RP1: variants seen among roughly 807,000 people sequenced by gnomAD.
The protein encoded by RP1 is oxygen-regulated protein 1.
In RP1, 16 loss-of-function variants were observed where a neutral mutation model predicts 14.8. That is an observed-to-expected ratio of 1.08 (90% CI 0.73 to 1.65). The LOEUF (loss-of-function observed/expected upper bound fraction) is 1.65. Ranked by LOEUF, RP1 falls within the 40% of genes most tolerant of loss-of-function variation. The pLI is 0.00. For synonymous variants in RP1, 876 were observed against 883.6 expected, an observed-to-expected ratio of 0.99 and a Z score of 0.15; for missense variants, 2,631 against 2,535.0, an observed-to-expected ratio of 1.04 and a Z score of -0.81.
chr8:54,625,779 G>C lies in RP1; in HGVS notation c.1897G>C (p.Glu633Gln), dbSNP rs767209777. 4.3e-6 allele frequency: 7 copies of C among 1,613,456 alleles called. No homozygotes were observed. The highest frequency in any genetic ancestry group is 5.9e-6 in the Non-Finnish European group (7 of 1,179,992). The stretch of plus-strand genomic sequence containing the variant: ...AAATATTTCTGAGGCTCCAGCTTCA[G>C]AAGCATCCTCTACTGTCACTGCAAG... ...DKNISEAPAS[E>Q]ASSTVTARID... The change falls in exon 4 of 4, where the codon GAA (glutamate) becomes CAA (glutamine). Residue 633 changes from glutamate to glutamine, a missense_variant. Transcript: ENST00000220676.
Position 54,624,874 on chromosome 8 carries a change from T to A in RP1, c.992T>A (p.Met331Lys). Residue 331 changes from methionine (M) to lysine (K), a missense_variant, in exon 4 of 4, where the codon ATG becomes AAG. By Grantham distance (95) the Met-to-Lys change is moderately conservative. Transcript: ENST00000220676. ...KSIIFNQDGT[M>K]TVEMKVRFRI... is the part of the protein sequence containing the mutation. The stretch of plus-strand genomic sequence containing the variant: ...ATTATTTTTAATCAAGACGGCACTA[T>A]GACAGTTGAGATGAAAGTTCGATTC... The A allele has an allele frequency of 6.2e-7, 1 of 1,613,888 alleles. No individual in the cohort carries two copies. Among genetic ancestry groups the A allele is most frequent in the Non-Finnish European group, 8.5e-7 (1 of 1,179,976 alleles).
chr8:54,708,607 C>T (rs1184857736), intron 15 of RP1, among the ~76,000 whole-genome samples: 1 of 152,092 alleles, frequency 6.6e-6, no homozygotes, highest in African/African-American at 2.4e-5. Flanking sequence ...GATCCACCTG[C>T]CTCAACCTCC....
At chr8:54,838,694 A>G (rs1019132856) in intron 25 of RP1, among the ~76,000 whole-genome samples, 1 of 152,062 alleles carries the variant, frequency 6.6e-6, no homozygotes, top group Non-Finnish European at 1.5e-5. Flanking sequence ...CATATGTGAA[A>G]AAGTCTGTGT....
At chr8:54,788,241 G>A (rs1422699705) in intron 24 of RP1, among the ~76,000 whole-genome samples, 1 of 152,162 alleles carries the variant, frequency 6.6e-6, no homozygotes, top group Admixed American at 6.5e-5. Context: ...AGGAAAACAA[G>A]ACTAGGTTGG....
intron 12 of RP1, among the ~76,000 whole-genome samples, chr8:54,680,546 C>T (rs1289849935): frequency 2.0e-5 from 3 of 152,154 alleles, no homozygotes; most frequent in African/African-American, 7.2e-5. Flanking sequence ...ATGCTGGAAA[C>T]CGTGCTGTTC....
In RP1 at chr8:54,678,000, A is replaced by G. The variant is rs149587183; in HGVS notation, c.1403-461A>G. ...AGGTGAGTCTATGTGCTTGGACAGG[A>G]TTTCTGAATGATTTTTCATTTTTAG... On this transcript the variant is annotated intron_variant, in intron 8 of 22. Coordinates refer to the RP1 transcript ENST00000636932. Among the ~76,000 whole-genome samples the G allele has an allele frequency of 3.1e-3, 476 of 152,286 alleles. 5 individuals are homozygous for G. The highest frequency in any genetic ancestry group is 0.011 in the African/African-American group (455 of 41,564).
Position 54,628,379 on chromosome 8 carries a change from G to C in RP1, c.4497G>C (p.Glu1499Asp), listed in dbSNP as rs1356559644. The change falls in exon 4 of 4, where the codon GAG becomes GAC. Residue 1499 changes from glutamate (E) to aspartate (D), a missense_variant. Physicochemically the swap from Glu to Asp is conservative, Grantham distance 45. Transcript: ENST00000220676. ...AAGAATTAATCCAAGAAGAGGTAGAGGCTAGTAAAACTTTAGAATTGATAG... is the reference window on the plus strand; with the variant it reads ...AAGAATTAATCCAAGAAGAGGTAGACGCTAGTAAAACTTTAGAATTGATAG... ...ATEELIQEEV[E>D]ASKTLELIDI... 6.2e-7 allele frequency: 1 copy of C among 1,613,518 alleles called. No individual in the cohort carries two copies. Among genetic ancestry groups the C allele is most frequent in the Non-Finnish European group, 8.5e-7 (1 of 1,179,818 alleles).
chr8:54,774,224 G>A (rs534878302), downstream of RP1, among the ~76,000 whole-genome samples: 1 of 152,214 alleles, frequency 6.6e-6, no homozygotes, highest in African/African-American at 2.4e-5. Flanking sequence ...TGTTGTGTCA[G>A]CCTCATTTCC....
chr8:54,629,248 G>A lies in RP1; in HGVS notation c.5366G>A (p.Gly1789Asp), dbSNP rs759804625. 1.2e-6 allele frequency: 2 copies of A among 1,613,874 alleles called. No homozygotes were observed. The highest frequency in any genetic ancestry group is 1.7e-6 in the Non-Finnish European group (2 of 1,179,888). The change falls in exon 4 of 4, where the codon GGT (glycine) becomes GAT (aspartate). Residue 1789 changes from glycine to aspartate, a missense_variant. Coordinates refer to ENST00000220676, the MANE Select transcript of RP1 (RefSeq NM_006269.2). ...NSSEVPYSHF[G>D]NLAPGPTMDE... Reference sequence around the variant, plus strand: ...AGTGAGGTACCATATTCACATTTTGGTAATTTGGCCCCAGGCCCAACGATG... The same window carrying A: ...AGTGAGGTACCATATTCACATTTTGATAATTTGGCCCCAGGCCCAACGATG...
intron 19 of RP1, among the ~76,000 whole-genome samples, chr8:54,739,393 G>T (rs140658738): frequency 2.0e-5 from 3 of 152,226 alleles, no homozygotes; most frequent in African/African-American, 7.2e-5. Flanking sequence ...GAAATTGTAA[G>T]TTGAACTGTG....
chr8:54,621,418 G>C lies in RP1; in HGVS notation c.452G>C (p.Arg151Pro), dbSNP rs771997020. Reference sequence around the variant, plus strand: ...GCCGTCGCTGCTCCCGGCATGCCCCGCCCCCCACGGAGCCTAGTGGTCTTC... The same window carrying C: ...GCCGTCGCTGCTCCCGGCATGCCCCCCCCCCCACGGAGCCTAGTGGTCTTC... ...PVAVAAPGMP[R>P]PPRSLVVFRN... The change falls in exon 2 of 4, where the codon CGC becomes CCC. Residue 151 changes from arginine to proline, a missense_variant. Coordinates refer to ENST00000220676, the MANE Select transcript of RP1 (RefSeq NM_006269.2). The C allele has an allele frequency of 6.2e-7, 1 of 1,613,090 alleles. No homozygotes were observed. The highest frequency in any genetic ancestry group is 2.2e-5 in the East Asian group (1 of 44,834).
intron 15 of RP1, among the ~76,000 whole-genome samples, chr8:54,717,017 C>T (rs1198167730): frequency 6.6e-6 from 1 of 152,126 alleles, no homozygotes; most frequent in Non-Finnish European, 1.5e-5. Context: ...CCAGGCCCCT[C>T]CTTTCAGAAT....
intron 24 of RP1, among the ~76,000 whole-genome samples, chr8:54,825,568 T>C (rs1811369242): frequency 6.6e-6 from 1 of 152,234 alleles, no homozygotes; most frequent in Non-Finnish European, 1.5e-5. Context: ...ACTACGTATA[T>C]GACAGACAAC....
intron 24 of RP1, among the ~76,000 whole-genome samples, chr8:54,810,097 G>A (rs1810953998): frequency 6.6e-6 from 1 of 152,132 alleles, no homozygotes; most frequent in Admixed American, 6.5e-5. Flanking sequence ...ATGCTCTAGT[G>A]AATGCCATTA....
At chr8:54,573,475 T>A (rs1451026587) in intron 1 of RP1, among the ~76,000 whole-genome samples, 1 of 152,210 alleles carries the variant, frequency 6.6e-6, no homozygotes, top group East Asian at 1.9e-4. Flanking sequence ...CAGTTCTAGT[T>A]TAATGCTTGA....
Position 54,628,471 on chromosome 8 carries a change from A to G in RP1, c.4589A>G (p.Lys1530Arg), listed in dbSNP as rs766121351. The G allele has an allele frequency of 3.1e-6, 5 of 1,613,630 alleles. No individual in the cohort carries two copies. The South Asian group carries it at 4.4e-5, about 14-fold the overall frequency. The part of the protein sequence containing the change: ...MNGIIYEIIS[K>R]RLATPPSLDF... ...GGTATAATTTATGAAATAATCAGTA[A>G]GAGGCTGGCAACACCACCATCTTTA... The change falls in exon 4 of 4, where the codon AAG (lysine) becomes AGG (arginine). Residue 1530 changes from lysine (K) to arginine (R), a missense_variant. Transcript: ENST00000220676.
chr8:54,607,865 G>C (rs935416273), intron 1 of RP1, among the ~76,000 whole-genome samples: 1 of 152,164 alleles, frequency 6.6e-6, no homozygotes, highest in African/African-American at 2.4e-5. Flanking sequence ...ATAATCTCCT[G>C]GTGTGCCATT....
At position 54,625,237 on chromosome 8, in the gene RP1, C is replaced by A. The variant is rs1805999682; in HGVS notation, c.1355C>A (p.Pro452His). 6.2e-7 allele frequency: 1 copy of A among 1,614,020 alleles called. No individual in the cohort carries two copies. The highest frequency in any genetic ancestry group is 8.5e-7 in the Non-Finnish European group (1 of 1,180,048). Residue 452 changes from proline (P) to histidine (H), a missense_variant, in exon 4 of 4, where the codon CCT becomes CAT. Pro to His is a moderately conservative substitution (Grantham distance 77, BLOSUM62 -2). Transcript: ENST00000220676. Reference sequence around the variant, plus strand: ...CATCGTTTTTATAGGCCCCCTACACCTGGACTAAGAAGAGTGAGACAAAAG... The same window carrying A: ...CATCGTTTTTATAGGCCCCCTACACATGGACTAAGAAGAGTGAGACAAAAG... ...AKHRFYRPPT[P>H]GLRRVRQKKS...
chr8:54,687,446 G>T (rs1366908709), intron 12 of RP1, among the ~76,000 whole-genome samples: 1 of 152,068 alleles, frequency 6.6e-6, no homozygotes, highest in Admixed American at 6.6e-5. Flanking sequence ...TTCTCCTAAT[G>T]CTATCCTTCC....
Sources: allele counts gnomAD v4.1 joint callset (sites outside exome capture counted in the v4.1 genomes callset), GRCh38; gene constraint gnomAD v4.1.1; transcripts MANE v1.5; gene names NCBI Gene and HGNC (gene_info 2026-07-23, HGNC 2026-07-21).